ATP6V1B2: variants seen among roughly 807,000 people sequenced by gnomAD.
ATP6V1B2 encodes ATPase H+ transporting V1 subunit B2, also known as V-type proton ATPase subunit B, brain isoform.
A neutral mutation model predicts 66.7 loss-of-function variants in ATP6V1B2; 23 were observed. That is an observed-to-expected ratio of 0.34 (90% CI 0.25 to 0.49). The LOEUF (loss-of-function observed/expected upper bound fraction) is 0.49, where lower values mean the gene tolerates loss of function less well. ATP6V1B2 is among the 20% of genes least tolerant of loss of function. The pLI is 0.99. For synonymous variants in ATP6V1B2, 278 were observed against 236.7 expected (o/e 1.17, Z -1.60); for missense variants, 478 against 650.8 (o/e 0.73, Z 2.89).
intron 2 of ATP6V1B2, among the ~76,000 whole-genome samples, chr8:20,206,915 G>A (rs549234825): frequency 5.1e-4 from 77 of 152,216 alleles, no homozygotes; most frequent in Non-Finnish European, 9.6e-4. Flanking sequence ...GGTACAAAGC[G>A]ATTAGAAGGG....
chr8:20,216,698 T>C (rs1169783912), intron 11 of ATP6V1B2: 2 of 458,202 alleles, frequency 4.4e-6, no homozygotes, highest in African/African-American at 2.0e-5. Context: ...CTTAACACTT[T>C]CCTTTATTGT....
At chr8:20,209,156 C>G (rs529156254) in intron 2 of ATP6V1B2, among the ~76,000 whole-genome samples, 1 of 152,146 alleles carries the variant, frequency 6.6e-6, no homozygotes, top group Non-Finnish European at 1.5e-5. Flanking sequence ...ATAAAATATG[C>G]ATGCAGAGGA....
chr8:20,209,330 A>G, intron 2 of ATP6V1B2, 103 bp from the exon 3 acceptor site: 1 of 1,136,526 alleles, frequency 8.8e-7, no homozygotes, highest in Non-Finnish European at 1.3e-6. Flanking sequence ...TGAAGAGTAG[A>G]GGGTTCCATA....
rs748265664 is a variant in ATP6V1B2, at chr8:20,220,359, G to A, written c.1493G>A (p.Ser498Asn). The A allele has an allele frequency of 3.8e-6, 6 of 1,591,462 alleles. No homozygotes were observed. In the Admixed American group the frequency reaches 9.2e-5, roughly 24 times the overall value. Residue 498 changes from serine to asparagine, a missense_variant, in exon 14 of 14, where the codon AGC becomes AAC. Coordinates refer to ENST00000276390, the MANE Select transcript of ATP6V1B2 (RefSeq NM_001693.4). ...GAAATGCTGAAGAGAATCCCTCAGA[G>A]CACCCTCAGCGAATTTTACCCTCGA... is the stretch of plus-strand genomic sequence containing the variant. ...PKEMLKRIPQ[S>N]TLSEFYPRDS...
rs201057159 is a variant in ATP6V1B2 at position 20,197,413 on chromosome 8, C to A, written c.7C>A (p.Leu3Met). The change falls in exon 1 of 14, where the codon CTG becomes ATG. Residue 3 changes from leucine (L) to methionine (M), a missense_variant. Transcript: ENST00000276390. MA[L>M]RAMRGIVNGA... is the part of the protein sequence containing the mutation. The stretch of plus-strand genomic sequence containing the variant: ...TCGGGACAGAGGAGACAAGATGGCG[C>A]TGCGGGCGATGCGGGGGATTGTCAA... The A allele has an allele frequency of 8.9e-5, 137 of 1,542,742 alleles. 1 individual carries two copies. Among genetic ancestry groups the A allele is most frequent in the East Asian group, 4.3e-4 (16 of 37,440 alleles).
intron 8 of ATP6V1B2, 36 bp from the exon 9 acceptor site, chr8:20,212,746 G>T (rs1258993519): frequency 1.3e-6 from 2 of 1,592,560 alleles, no homozygotes; most frequent in South Asian, 1.2e-5. Flanking sequence ...TTGGTCTTTT[G>T]GTTTGAGTGG....
Position 20,214,878 on chromosome 8 carries a change from G to T in ATP6V1B2, c.988G>T (p.Asp330Tyr). The change falls in exon 10 of 14, where the codon GAT becomes TAT. Residue 330 changes from aspartate to tyrosine, a missense_variant. Around this residue, in one of 2 missense-constraint regions of ATP6V1B2, gnomAD observed 326 missense variants for 545.6 expected, o/e 0.60. Transcript: ENST00000276390. Reference sequence around the variant, plus strand: ...AGGTTTTCCAGGTTACATGTATACAGATTTAGCCACGATATATGAACGCGC... The same window carrying T: ...AGGTTTTCCAGGTTACATGTATACATATTTAGCCACGATATATGAACGCGC... ...RRGFPGYMYT[D>Y]LATIYERAGR... 1 of 1,613,626 alleles carries T rather than the reference G, an allele frequency of 6.2e-7. No homozygotes were observed. The highest frequency in any genetic ancestry group is 8.5e-7 in the Non-Finnish European group (1 of 1,179,704).
At chr8:20,203,540 A>G (rs1585246053) in intron 1 of ATP6V1B2, among the ~76,000 whole-genome samples, 1 of 152,242 alleles carries the variant, frequency 6.6e-6, no homozygotes, top group African/African-American at 2.4e-5. Context: ...CAGTTGCTAG[A>G]CAGCTTCATG....
At chr8:20,204,571 G>A (rs1247653311) in intron 2 of ATP6V1B2, 32 bp downstream of exon 2, 2 of 1,575,728 alleles carry the variant, frequency 1.3e-6, no homozygotes, top group Non-Finnish European at 1.7e-6. Context: ...GTCTATTTAT[G>A]TAGTTAAAAA....
At chr8:20,206,217 G>T (rs1282973295) in intron 2 of ATP6V1B2, among the ~76,000 whole-genome samples, 5 of 152,178 alleles carry the variant, frequency 3.3e-5, no homozygotes, top group African/African-American at 1.2e-4. Flanking sequence ...CCAGATGTGT[G>T]TGTTTTTTCC....
In ATP6V1B2 at chr8:20,204,549, C is replaced by T; in HGVS notation, c.192+10C>T. 6.2e-7 allele frequency: 1 copy of T among 1,605,508 alleles called. No individual in the cohort carries two copies. Among genetic ancestry groups the T allele is most frequent in the Non-Finnish European group, 8.5e-7 (1 of 1,172,634 alleles). ...CTTAGATCATGTTAAGGTAATACCA[C>T]TATCTGTTTTGGTCTATTTATGTAG... On this transcript the variant is annotated intron_variant, in intron 2 of 13. Coordinates refer to ENST00000276390, the MANE Select transcript of ATP6V1B2 (RefSeq NM_001693.4).
Position 20,214,856 on chromosome 8 carries a change from T to C in ATP6V1B2, c.966T>C (p.Gly322=). The C allele has an allele frequency of 3.1e-6, 5 of 1,612,530 alleles. No individual in the cohort carries two copies. In the South Asian group the frequency reaches 3.3e-5, roughly 11 times the overall value. Residue 322 remains glycine, a synonymous_variant, in exon 10 of 14, where the codon GGT becomes GGC. Transcript: ENST00000276390. ...AAREEVPGRR[G]FPGYMYTDLA... ...GGGAAGAGGTACCTGGTCGACGAGG[T>C]TTTCCAGGTTACATGTATACAGATT... is the stretch of plus-strand genomic sequence containing the variant.
At chr8:20,213,096 A>T (rs1204505908) in intron 9 of ATP6V1B2, 191 bp downstream of exon 9, 2 of 648,768 alleles carry the variant, frequency 3.1e-6, no homozygotes, top group Non-Finnish European at 2.5e-6. Flanking sequence ...AGAGGTTAAG[A>T]TTTAAATGGT....
rs73669745 is a variant in ATP6V1B2 at position 20,212,955 on chromosome 8, A to G, written c.927+50A>G. ...AGTTAAACAAAATTGGTTAATTTTC[A>G]GGGTTAACTTGTCACTTTGCAAGTT... On this transcript the variant is annotated intron_variant, in intron 9 of 13. Coordinates refer to ENST00000276390, the MANE Select transcript of ATP6V1B2 (RefSeq NM_001693.4). 6,813 of 1,608,744 alleles carry G rather than the reference A, an allele frequency of 4.2e-3. 267 individuals are homozygous for G. The African/African-American group carries it at 0.081, about 19-fold the overall frequency.
At chr8:20,198,508 C>G (rs1360765372) in intron 1 of ATP6V1B2, among the ~76,000 whole-genome samples, 4 of 152,236 alleles carry the variant, frequency 2.6e-5, no homozygotes, top group Non-Finnish European at 5.9e-5. Flanking sequence ...AGTTGTGTAG[C>G]ATCCAACTTC....
chr8:20,213,246 G>A (rs922213038), intron 9 of ATP6V1B2: 2 of 262,736 alleles, frequency 7.6e-6, no homozygotes, highest in Non-Finnish European at 1.5e-5. Context: ...AAACCTTTTT[G>A]TAATTCCATT....
chr8:20,216,964 G>GT, intron 11 of ATP6V1B2: 1 of 403,852 alleles, frequency 2.5e-6, no homozygotes. Flanking sequence ...TGAAAGTTGA[G>GT]TTTTTTAAAA....
chr8:20,212,704 T>C (rs2128886005), intron 8 of ATP6V1B2, 78 bp from the exon 9 acceptor site: 1 of 1,564,622 alleles, frequency 6.4e-7, no homozygotes, highest in Non-Finnish European at 8.7e-7. Flanking sequence ...TGTACTGTTA[T>C]TTCCAGAATC....
chr8:20,217,023 A>G, intron 11 of ATP6V1B2, 197 bp from the exon 12 acceptor site: 1 of 558,624 alleles, frequency 1.8e-6, no homozygotes, highest in Non-Finnish European at 3.2e-6. Context: ...TTGATTCTCG[A>G]AAGAAATGCT....
Sources: gnomAD v4.1 joint callset for allele counts (sites outside exome capture counted in the v4.1 genomes callset) on GRCh38, gnomAD v4.1.1 for gene constraint, gnomAD v4.1.1 regional missense constraint, MANE v1.5 for transcripts, NCBI Gene and HGNC (gene_info 2026-07-23, HGNC 2026-07-21) for gene names.